SYTL3: variants seen among roughly 807,000 people sequenced by gnomAD.
The protein encoded by SYTL3 is synaptotagmin-like protein 3.
A neutral mutation model predicts 82.1 loss-of-function variants in SYTL3; 88 were observed. The ratio of observed to expected loss-of-function variants is 1.07; its 90% CI spans 0.90 to 1.28. The LOEUF (loss-of-function observed/expected upper bound fraction) is 1.28. Ranked by LOEUF, SYTL3 falls within the 50% of genes most tolerant of loss-of-function variation. The probability of loss-of-function intolerance (pLI) is 0.00; values close to 1 mark genes in which losing one functional copy is unlikely to be tolerated. For missense variants in SYTL3, 831 were observed against 757.6 expected, an observed-to-expected ratio of 1.10 and a Z score of -1.14; for synonymous variants, 311 against 289.4, an observed-to-expected ratio of 1.07 and a Z score of -0.76.
At chr6:158,648,607 A>AAATAAT (rs1554234541), upstream of SYTL3, among the ~76,000 whole-genome samples, 65 of 127,318 alleles carry the variant, frequency 5.1e-4, no homozygotes, top group Non-Finnish European at 6.8e-4. Context: ...AAAAAAAAAA[A>AAATAAT]AATAATAATA....
upstream of SYTL3, among the ~76,000 whole-genome samples, chr6:158,648,607 A>AATAAT (rs1554234540): frequency 9.4e-4 from 120 of 127,316 alleles, 2 homozygotes; most frequent in East Asian, 0.016. Context: ...AAAAAAAAAA[A>AATAAT]AATAATAATA....
At chr6:158,762,391 A>C (rs1790097581) in intron 16 of SYTL3, among the ~76,000 whole-genome samples, 2 of 152,184 alleles carry the variant, frequency 1.3e-5, no homozygotes, top group Non-Finnish European at 2.9e-5. Flanking sequence ...TAATCTTCTC[A>C]GTTCTGTGAT....
intron 3 of SYTL3, among the ~76,000 whole-genome samples, chr6:158,661,825 A>G (rs945521992): frequency 2.6e-5 from 4 of 152,222 alleles, no homozygotes; most frequent in African/African-American, 9.7e-5. Context: ...CATTGTTTCT[A>G]TTCATCACTA....
At chr6:158,742,308 A>T (rs989122884) in intron 11 of SYTL3, among the ~76,000 whole-genome samples, 1 of 152,246 alleles carries the variant, frequency 6.6e-6, no homozygotes, top group Admixed American at 6.5e-5. Context: ...TTGCACTTTT[A>T]TTATGCTTCA....
At chr6:158,734,791 A>G (rs561636536) in intron 11 of SYTL3, among the ~76,000 whole-genome samples, 41 of 152,208 alleles carry the variant, frequency 2.7e-4, no homozygotes, top group Non-Finnish European at 4.6e-4. Flanking sequence ...AATGGCCTCA[A>G]TAAATGTTTG....
intron 2 of SYTL3, among the ~76,000 whole-genome samples, chr6:158,659,718 A>G (rs990117763): frequency 1.6e-4 from 24 of 152,172 alleles, no homozygotes; most frequent in African/African-American, 5.6e-4. Context: ...TATTAAAGCT[A>G]TAGACAGCAT....
intron 9 of SYTL3, among the ~76,000 whole-genome samples, chr6:158,717,308 G>GTT (rs10554536): frequency 6.7e-6 from 1 of 148,672 alleles, no homozygotes; most frequent in Non-Finnish European, 1.5e-5. Context: ...AATTTTACCT[G>GTT]TTTTTTTTTT....
At chr6:158,694,044 ACT>A (rs968503957) in intron 6 of SYTL3, among the ~76,000 whole-genome samples, 3 of 150,028 alleles carry the variant, frequency 2.0e-5, no homozygotes, top group African/African-American at 7.3e-5. Context: ...TTTTGTTACT[ACT>A]CTCCTTAAGA....
chr6:158,693,850 C>CTTTTTTTTTTTTT (rs1357595960), intron 6 of SYTL3, among the ~76,000 whole-genome samples: 5 of 58,438 alleles, frequency 8.6e-5, no homozygotes, highest in African/African-American at 4.0e-4. Context: ...CTTTCTTTTT[C>CTTTTTTTTTTTTT]TTTTCTTTTT....
At chr6:158,688,887 C>T (rs561591138) in intron 6 of SYTL3, among the ~76,000 whole-genome samples, 1 of 152,318 alleles carries the variant, frequency 6.6e-6, no homozygotes, top group East Asian at 1.9e-4. Context: ...GGCAATTTCA[C>T]ATGAGTCAGG....
At chr6:158,679,930 G>A (rs1778468394) in intron 5 of SYTL3, among the ~76,000 whole-genome samples, 1 of 152,160 alleles carries the variant, frequency 6.6e-6, no homozygotes, top group African/African-American at 2.4e-5. Context: ...TAGCTCAGTC[G>A]ACTGTAGCGT....
chr6:158,714,650 C>A (rs1783151743), intron 9 of SYTL3, among the ~76,000 whole-genome samples: 1 of 152,192 alleles, frequency 6.6e-6, no homozygotes, highest in Non-Finnish European at 1.5e-5. Context: ...CCTTTTCATG[C>A]CTCCTAAGAT....
In SYTL3 at chr6:158,764,548, CAG is replaced by C. The variant is rs1483789270; in HGVS notation, c.1779_1780del (p.Lys594SerfsTer19). On this transcript the variant is annotated frameshift_variant, in exon 18 of 18. Transcript: ENST00000611299. LOFTEE classifies it high-confidence loss of function. ...DACSLSKLQWQKVLSSPNLWT... is the reference protein window; with the variant it reads ...DACSLSKLQWXKVLSSPNLWT... ...ATGCTCACTATCGAAGCTCCAGTGG[CAG>C]AAAGTCCTTTCCAGCCCCAATCTAT... is the stretch of plus-strand genomic sequence containing the variant. 2 of 1,614,134 alleles carry C rather than the reference CAG, an allele frequency of 1.2e-6. No individual in the cohort carries two copies. The highest frequency in any genetic ancestry group is 1.7e-6 in the Non-Finnish European group (2 of 1,180,020).
upstream of SYTL3, among the ~76,000 whole-genome samples, chr6:158,645,789 A>G (rs1291086207): frequency 2.0e-5 from 3 of 152,292 alleles, no homozygotes; most frequent in South Asian, 2.1e-4. Context: ...CTGCCCTGCC[A>G]TAAGTCAATA....
rs1778886065 is a variant in SYTL3, at chr6:158,682,976, AT to A, written c.384del (p.Pro129GlnfsTer20). 6.2e-7 allele frequency: 1 copy of A among 1,612,072 alleles called. No individual in the cohort carries two copies. Among genetic ancestry groups the A allele is most frequent in the African/African-American group, 1.3e-5 (1 of 74,888 alleles). On this transcript the variant is annotated frameshift_variant, in exon 6 of 18. Coordinates refer to ENST00000611299, the MANE Select transcript of SYTL3 (RefSeq NM_001242394.2). LOFTEE classifies it high-confidence loss of function. ...GGTTCTATGAGGAACGAGCCAAGAA[AT>A]TTCCAACTGGAGGTAAATGCTCTTT... ...EWFYEERAKK[F>X]PTGGKHETVG...
At chr6:158,660,870 C>G (rs1789301675) in intron 2 of SYTL3, among the ~76,000 whole-genome samples, 1 of 152,100 alleles carries the variant, frequency 6.6e-6, no homozygotes, top group Non-Finnish European at 1.5e-5. Flanking sequence ...CCAGCCTGCG[C>G]AACATGGTGA....
Position 158,764,638 on chromosome 6 carries a change from C to G in SYTL3, c.*34C>G, listed in dbSNP as rs373534236. 1 of 1,503,038 alleles carries G rather than the reference C, an allele frequency of 6.7e-7. No individual in the cohort carries two copies. Among genetic ancestry groups the G allele is most frequent in the East Asian group, 2.3e-5 (1 of 44,324 alleles). 93.1% of individuals were successfully genotyped at this position (1,503,038 alleles called of 1,614,324 possible). A position where few individuals can be genotyped will look rare whatever the true frequency, so the allele number is the denominator to read the frequency against. On this transcript the variant is annotated 3_prime_UTR_variant, in exon 18 of 18. Transcript: ENST00000611299. ...CCTCAAGGTTCCAGGTTGCAGCAGG[C>G]GTGAGGCACTGTGCGTCTGCAGAGG...
intron 2 of SYTL3, among the ~76,000 whole-genome samples, chr6:158,656,244 G>A (rs926668826): frequency 6.6e-6 from 1 of 151,972 alleles, no homozygotes; most frequent in Admixed American, 6.6e-5. Context: ...TGGCGGTGGC[G>A]TCTCAGCCAG....
chr6:158,664,815 G>A (rs749936917), intron 4 of SYTL3, among the ~76,000 whole-genome samples: 1 of 152,106 alleles, frequency 6.6e-6, no homozygotes, highest in Non-Finnish European at 1.5e-5. Flanking sequence ...ATTCATAAAA[G>A]AGCGTGCTAG....
Sources: gnomAD v4.1 joint callset for allele counts (sites outside exome capture counted in the v4.1 genomes callset) on GRCh38, gnomAD v4.1.1 for gene constraint, MANE v1.5 for transcripts, NCBI Gene and HGNC (gene_info 2026-07-23, HGNC 2026-07-21) for gene names.